The following HECW1 variants were observed in gnomAD, a reference collection of about 807,000 sequenced individuals.
HECW1 encodes the protein HECT, C2 and WW domain containing E3 ubiquitin protein ligase 1, also known as E3 ubiquitin-protein ligase HECW1.
Under a neutral mutation model 182.3 loss-of-function variants are expected in HECW1, and 61 were observed. The ratio of observed to expected loss-of-function variants is 0.33; its 90% CI spans 0.27 to 0.41. The LOEUF is 0.41. HECW1 is among the 10% of genes least tolerant of loss of function. The pLI is 1.00. For missense variants in HECW1, 1,739 were observed against 2,108.9 expected (o/e 0.82, Z 3.44); for synonymous variants, 859 against 832.6 (o/e 1.03, Z -0.55).
At chr7:43,297,765 A>C (rs1279423299) in intron 3 of HECW1, among the ~76,000 whole-genome samples, 2 of 152,052 alleles carry the variant, frequency 1.3e-5, no homozygotes, top group Non-Finnish European at 2.9e-5. Context: ...CAACATAGTG[A>C]TTTTTCTAAA....
chr7:43,194,372 C>T (rs187859010), intron 2 of HECW1: 359 of 152,172 alleles, frequency 2.4e-3, no homozygotes, highest in African/African-American at 8.2e-3. Context: ...CTGGGATGCT[C>T]GTTCATTCTC....
intron 8 of HECW1, among the ~76,000 whole-genome samples, chr7:43,412,847 C>G (rs2075856685): frequency 6.7e-6 from 1 of 150,208 alleles, no homozygotes; most frequent in Non-Finnish European, 1.5e-5. Flanking sequence ...TTAATCCAGT[C>G]TATCATTGTT....
rs369571790 is a variant in HECW1, at chr7:43,320,828, C to T, written c.460+86C>T. The T allele has an allele frequency of 5.9e-5, 58 of 976,318 alleles. No homozygotes were observed. The African/African-American group carries it at 7.5e-4, about 13-fold the overall frequency. The allele number at this position is 976,318 out of a possible 1,614,324, so 60.5% of individuals were successfully genotyped here. On this transcript the variant is annotated intron_variant, in intron 5 of 29. Transcript: ENST00000395891. Reference sequence around the variant, plus strand: ...TCATTATTTGTTCCCGTTGCACTGCCTCCACTAAGAAATGGGCCCTCTAAA... The same window carrying T: ...TCATTATTTGTTCCCGTTGCACTGCTTCCACTAAGAAATGGGCCCTCTAAA...
intron 2 of HECW1, among the ~76,000 whole-genome samples, chr7:43,189,383 CCA>C (rs71562081): frequency 0.24 from 36,567 of 151,822 alleles, 4,575 homozygotes; most frequent in Middle Eastern, 0.27. Context: ...CATTGCTGGT[CCA>C]CAGATTACAC....
intron 2 of HECW1, among the ~76,000 whole-genome samples, chr7:43,132,193 T>A (rs1787018818): frequency 6.8e-6 from 1 of 147,096 alleles, no homozygotes; most frequent in Non-Finnish European, 1.5e-5. Context: ...AAGGTTTTGG[T>A]GTTTCTCTTG....
chr7:43,310,394 T>C (rs1808350178), intron 3 of HECW1, among the ~76,000 whole-genome samples: 1 of 152,222 alleles, frequency 6.6e-6, no homozygotes, highest in Non-Finnish European at 1.5e-5. Context: ...ACTGCTATAG[T>C]GACAAGCATT....
chr7:43,377,827 T>C lies in HECW1; in HGVS notation c.555+16847T>C, dbSNP rs117778044. On this transcript the variant is annotated intron_variant, in intron 6 of 29. Transcript: ENST00000395891. Reference sequence around the variant, plus strand: ...AAGGGAAGTCTGATCCTGGGGACTTTCTTATGCCTCCCCCAGAGCTATGGA... The same window carrying C: ...AAGGGAAGTCTGATCCTGGGGACTTCCTTATGCCTCCCCCAGAGCTATGGA... 744 of 199,946 alleles carry C rather than the reference T, an allele frequency of 3.7e-3. 12 individuals are homozygous for C. Among genetic ancestry groups the C allele is most frequent in the East Asian group, 0.025 (327 of 13,002 alleles). 12.4% of individuals were successfully genotyped at this position (199,946 alleles called of 1,614,324 possible).
chr7:43,406,360 G>A (rs2152844082), intron 7 of HECW1, among the ~76,000 whole-genome samples: 1 of 152,308 alleles, frequency 6.6e-6, no homozygotes, highest in East Asian at 1.9e-4. Context: ...CCCTTTCACA[G>A]AGCAGTAATA....
At chr7:43,149,838 AAATAATGATG>A (rs1359303005) in intron 2 of HECW1, among the ~76,000 whole-genome samples, 1 of 152,182 alleles carries the variant, frequency 6.6e-6, no homozygotes, top group African/African-American at 2.4e-5. Context: ...CATGATTTGC[AAATAATGATG>A]ATTTTACTTT....
chr7:43,222,417 T>C (rs1265573309), intron 2 of HECW1, among the ~76,000 whole-genome samples: 1 of 152,206 alleles, frequency 6.6e-6, no homozygotes, highest in Non-Finnish European at 1.5e-5. Context: ...GAAGGTACTT[T>C]GTATAAGAGG....
intron 7 of HECW1, among the ~76,000 whole-genome samples, chr7:43,405,695 C>G (rs1389393969): frequency 6.6e-6 from 1 of 152,186 alleles, no homozygotes; most frequent in Non-Finnish European, 1.5e-5. Context: ...TAAGCCACAT[C>G]ATTTACACAA....
intron 2 of HECW1, among the ~76,000 whole-genome samples, chr7:43,199,801 C>T (rs150133007): frequency 3.9e-5 from 6 of 152,236 alleles, no homozygotes; most frequent in South Asian, 2.1e-4. Flanking sequence ...CCAGTACCCA[C>T]GAATGAGTGC....
chr7:43,285,207 G>A (rs371217218), intron 3 of HECW1, among the ~76,000 whole-genome samples: 7 of 152,276 alleles, frequency 4.6e-5, no homozygotes, highest in African/African-American at 1.7e-4. Context: ...TGTTGTGAGA[G>A]CTTCCTGGGA....
chr7:43,193,122 T>C (rs978856190), intron 2 of HECW1, among the ~76,000 whole-genome samples: 1 of 152,246 alleles, frequency 6.6e-6, no homozygotes, highest in Non-Finnish European at 1.5e-5. Flanking sequence ...ATGGCATTTG[T>C]AAACTGTCAT....
intron 2 of HECW1, among the ~76,000 whole-genome samples, chr7:43,164,515 G>A (rs1790890142): frequency 6.6e-6 from 1 of 152,182 alleles, no homozygotes; most frequent in Non-Finnish European, 1.5e-5. Flanking sequence ...TGTGCTGTGT[G>A]CCCAGACTCC....
At chr7:43,459,023 C>T (rs1391132689) in intron 13 of HECW1, among the ~76,000 whole-genome samples, 5 of 152,308 alleles carry the variant, frequency 3.3e-5, no homozygotes, top group East Asian at 1.9e-4. Context: ...ATTCCCCAGA[C>T]GCGGCACACT....
chr7:43,123,829 GACC>G (rs1446172614), intron 2 of HECW1, among the ~76,000 whole-genome samples: 5 of 152,206 alleles, frequency 3.3e-5, no homozygotes, highest in African/African-American at 1.2e-4. Flanking sequence ...GAGGCTGGAA[GACC>G]AGGCCCTCCT....
intron 2 of HECW1, among the ~76,000 whole-genome samples, chr7:43,176,807 A>G (rs567059620): frequency 6.6e-6 from 1 of 152,240 alleles, no homozygotes; most frequent in South Asian, 2.1e-4. Flanking sequence ...CCATACCACT[A>G]TGTGATGTTC....
intron 3 of HECW1, among the ~76,000 whole-genome samples, chr7:43,307,973 A>T (rs1584416705): frequency 7.7e-6 from 1 of 130,358 alleles, no homozygotes; most frequent in East Asian, 2.1e-4. Flanking sequence ...TGTATATCTT[A>T]TATATTATAG....
Sources: gnomAD v4.1 joint callset for allele counts (sites outside exome capture counted in the v4.1 genomes callset) on GRCh38, gnomAD v4.1.1 for gene constraint, MANE v1.5 for transcripts, NCBI Gene and HGNC (gene_info 2026-07-23, HGNC 2026-07-21) for gene names.